The following CACNA1C variants were observed in gnomAD, a reference collection of about 807,000 sequenced individuals.
CACNA1C encodes the protein calcium voltage-gated channel subunit alpha1 C.
CACNA1C carries 30 observed loss-of-function variants against 229.0 expected under a neutral mutation model. That is an observed-to-expected ratio of 0.13 (90% CI 0.10 to 0.18). The LOEUF is 0.18. CACNA1C is among the 10% of genes least tolerant of loss of function. CACNA1C has a pLI of 1.00. For synonymous variants in CACNA1C, 1,114 were observed against 1,132.5 expected, an observed-to-expected ratio of 0.98 and a Z score of 0.33; for missense variants, 1,658 against 2,845.0, an observed-to-expected ratio of 0.58 and a Z score of 9.49.
rs1209424605 is a variant in CACNA1C at position 2,053,966 on chromosome 12, G to A, written c.49+355G>A. On this transcript the variant is annotated intron_variant, in intron 1 of 46. Transcript: ENST00000399655. The surrounding 1 kb of genome is among the most constrained non-coding windows in gnomAD (Gnocchi z 5.8). ...GCCCGGCTGCCTGGCCAGCCGCGCG[G>A]GGGGCAGAGGGCGCCGGCGCCGCGG... Among the ~76,000 whole-genome samples the A allele has an allele frequency of 2.7e-5, 4 of 149,212 alleles. No individual in the cohort carries two copies. The highest frequency in any genetic ancestry group is 9.7e-5 in the African/African-American group (4 of 41,136).
chr12:2,496,705 A>C (rs368843759), intron 7 of CACNA1C, among the ~76,000 whole-genome samples: 1 of 152,250 alleles, frequency 6.6e-6, no homozygotes. Context: ...TTGGCCATGC[A>C]TTGCATTGAG....
chr12:2,137,101 G>C lies in CACNA1C; in HGVS notation c.477+16671G>C, dbSNP rs887835808. On this transcript the variant is annotated intron_variant, in intron 3 of 46. Transcript: ENST00000399655. The stretch of plus-strand genomic sequence containing the variant: ...GTGAGAGCAGTCCCCCTCTCGTGCC[G>C]AGAGGCTCCACAGGTTTTGCCTGTG... 6.6e-5 allele frequency among the ~76,000 whole-genome samples: 10 copies of C among 151,290 alleles called. 1 individual carries two copies. The highest frequency in any genetic ancestry group is 1.3e-4 in the Admixed American group (2 of 15,094).
rs540298237 is a variant in CACNA1C at position 2,630,327 on chromosome 12, G to C, written c.3829-3970G>C. Among the ~76,000 whole-genome samples the C allele has an allele frequency of 3.9e-4, 60 of 152,214 alleles. No homozygotes were observed. Among genetic ancestry groups the C allele is most frequent in the African/African-American group, 1.4e-3 (60 of 41,542 alleles). ...TTACTAATGGTTTCCAGCAACCGAG[G>C]GGGCGGGCAAAAACAGAGAGAAGAG... On this transcript the variant is annotated intron_variant, in intron 29 of 46. Transcript: ENST00000399655. The surrounding 1 kb of genome is among the most constrained non-coding windows in gnomAD (Gnocchi z 5.4).
At chr12:2,185,888 G>A (rs2096984734) in intron 3 of CACNA1C, among the ~76,000 whole-genome samples, 1 of 152,172 alleles carries the variant, frequency 6.6e-6, no homozygotes, top group South Asian at 2.1e-4. Flanking sequence ...CTGGGCAGCA[G>A]TCTAGACTTC....
At position 2,678,632 on chromosome 12, in the gene CACNA1C, G is replaced by A. The variant is rs76894983; in HGVS notation, c.5091+765G>A. 6.6e-6 allele frequency among the ~76,000 whole-genome samples: 1 copy of A among 152,160 alleles called. No individual in the cohort carries two copies. Among genetic ancestry groups the A allele is most frequent in the Non-Finnish European group, 1.5e-5 (1 of 68,034 alleles). On this transcript the variant is annotated intron_variant, in intron 41 of 46. Coordinates refer to ENST00000399655, the MANE Select transcript of CACNA1C (RefSeq NM_000719.7). The surrounding 1 kb of genome is among the most constrained non-coding windows in gnomAD (Gnocchi z 4.1). Reference sequence around the variant, plus strand: ...TTCCCAGGCTGTGGAACACACAGGGGGCAAGCTGAGCCCATCCTGCCCCTG... The same window carrying A: ...TTCCCAGGCTGTGGAACACACAGGGAGCAAGCTGAGCCCATCCTGCCCCTG...
chr12:2,567,460 A>G, intron 12 of CACNA1C, 109 bp from the exon 13 acceptor site: 1 of 689,298 alleles, frequency 1.5e-6, no homozygotes, highest in Non-Finnish European at 2.4e-6. Context: ...GAGAGGTGTC[A>G]TGGGGGATCT....
intron 1 of CACNA1C, among the ~76,000 whole-genome samples, chr12:2,074,631 C>G (rs1046215369): frequency 6.6e-6 from 1 of 152,144 alleles, no homozygotes; most frequent in Non-Finnish European, 1.5e-5. Context: ...CTGCCAGTGC[C>G]GTGACTCAAA....
intron 3 of CACNA1C, among the ~76,000 whole-genome samples, chr12:2,124,825 A>G (rs1293571935): frequency 6.6e-6 from 1 of 152,200 alleles, no homozygotes; most frequent in Non-Finnish European, 1.5e-5. Flanking sequence ...TTTGAGGGGC[A>G]GGGAATGATG....
chr12:2,233,509 A>T (rs2066133344), intron 3 of CACNA1C, among the ~76,000 whole-genome samples: 1 of 152,128 alleles, frequency 6.6e-6, no homozygotes, highest in South Asian at 2.1e-4. Context: ...CTCATCTCAG[A>T]TTGTTCAGCA....
intron 3 of CACNA1C, among the ~76,000 whole-genome samples, chr12:2,305,340 A>T (rs1448914229): frequency 6.6e-6 from 1 of 152,232 alleles, no homozygotes; most frequent in Non-Finnish European, 1.5e-5. Context: ...CTTAGGACAA[A>T]GCAAAGTTTA....
chr12:2,336,189 G>A (rs2096689204), intron 3 of CACNA1C, among the ~76,000 whole-genome samples: 1 of 152,152 alleles, frequency 6.6e-6, no homozygotes, highest in African/African-American at 2.4e-5. Flanking sequence ...CTAATTTAAG[G>A]ATATAGAATT....
intron 1 of CACNA1C, among the ~76,000 whole-genome samples, chr12:2,045,105 G>A (rs1257418838): frequency 6.6e-6 from 1 of 152,170 alleles, no homozygotes; most frequent in Non-Finnish European, 1.5e-5. Flanking sequence ...TTAGTAGGGG[G>A]ACTGTGAATA....
chr12:2,106,647 C>T (rs71454870), intron 1 of CACNA1C, among the ~76,000 whole-genome samples: 18 of 62,628 alleles, frequency 2.9e-4, no homozygotes, highest in Middle Eastern at 0.011. Context: ...GCGCCCACCC[C>T]GGGGAGGGTT....
chr12:2,277,149 C>T (rs2088651683), intron 3 of CACNA1C, among the ~76,000 whole-genome samples: 1 of 152,078 alleles, frequency 6.6e-6, no homozygotes, highest in Admixed American at 6.5e-5. Context: ...TCTCTTAATA[C>T]CCCTTGAGGT....
rs2095868805 is a variant in CACNA1C at position 2,319,564 on chromosome 12, C to T, written c.478-129412C>T. Among the ~76,000 whole-genome samples, 1 of 152,128 alleles carries T rather than the reference C, an allele frequency of 6.6e-6. No homozygotes were observed. Among genetic ancestry groups the T allele is most frequent in the Non-Finnish European group, 1.5e-5 (1 of 68,014 alleles). On this transcript the variant is annotated intron_variant, in intron 3 of 46. Coordinates refer to ENST00000399655, the MANE Select transcript of CACNA1C (RefSeq NM_000719.7). The surrounding 1 kb of genome is among the most constrained non-coding windows in gnomAD (Gnocchi z 4.0). ...CCAGGGTCTCCACTCAGGGGCATTGCCGGGTGAGCCTGAGATAAGGGTGTA... is the reference window on the plus strand; with the variant it reads ...CCAGGGTCTCCACTCAGGGGCATTGTCGGGTGAGCCTGAGATAAGGGTGTA...
Position 2,504,596 on chromosome 12 carries a change from C to T in CACNA1C, c.1114-246C>T, listed in dbSNP as rs2099767583. The T allele has an allele frequency of 9.6e-7, 1 of 1,037,680 alleles. No individual in the cohort carries two copies. The highest frequency in any genetic ancestry group is 1.5e-6 in the Non-Finnish European group (1 of 655,518). The allele number at this position is 1,037,680 out of a possible 1,614,324, so 64.3% of individuals were successfully genotyped here. A position where few individuals can be genotyped will look rare whatever the true frequency, so the allele number is the denominator to read the frequency against. On this transcript the variant is annotated intron_variant, in intron 7 of 46. Coordinates refer to ENST00000399655, the MANE Select transcript of CACNA1C (RefSeq NM_000719.7). The surrounding 1 kb of genome is among the most constrained non-coding windows in gnomAD (Gnocchi z 6.8). ...ACGCAGCCGAGCAAGGTCTCAGGTT[C>T]CACTCCGTACATGCCCGGGGTCCTC...
chr12:2,388,107 G>A (rs1457845218), intron 3 of CACNA1C, among the ~76,000 whole-genome samples: 2 of 152,220 alleles, frequency 1.3e-5, no homozygotes, highest in Non-Finnish European at 2.9e-5. Context: ...TAGAAGCAGA[G>A]AGTAGAAAGG....
intron 5 of CACNA1C, among the ~76,000 whole-genome samples, chr12:2,480,048 G>A (rs1455690784): frequency 6.6e-6 from 1 of 152,184 alleles, no homozygotes; most frequent in Non-Finnish European, 1.5e-5. Flanking sequence ...ACGTTATCAG[G>A]AGGGCCTTCC....
rs186676930 is a variant in CACNA1C at position 2,653,488 on chromosome 12, C to T, written c.4075-347C>T. Among the ~76,000 whole-genome samples the T allele has an allele frequency of 1.1e-4, 17 of 152,358 alleles. No individual in the cohort carries two copies. In the East Asian group the frequency reaches 1.3e-3, roughly 12 times the overall value. ...CCACTCCTCCACAGGTAACCACAGT[C>T]AGCGGGGTGCTGTCCTCCACGATTT... On this transcript the variant is annotated intron_variant, in intron 32 of 46. Coordinates refer to ENST00000399655, the MANE Select transcript of CACNA1C (RefSeq NM_000719.7). The surrounding 1 kb of genome is among the most constrained non-coding windows in gnomAD (Gnocchi z 4.7).
Sources: gnomAD v4.1 joint callset for allele counts (sites outside exome capture counted in the v4.1 genomes callset) on GRCh38, gnomAD v4.1.1 for gene constraint, Gnocchi (gnomAD v3.1) non-coding constraint, MANE v1.5 for transcripts, NCBI Gene and HGNC (gene_info 2026-07-23, HGNC 2026-07-21) for gene names.